ACSS3: variants seen among roughly 807,000 people sequenced by gnomAD.
ACSS3 encodes the protein acyl-CoA synthetase short-chain family member 3, mitochondrial.
Under a neutral mutation model 84.2 loss-of-function variants are expected in ACSS3, and 64 were observed. The ratio of observed to expected loss-of-function variants is 0.76; its 90% confidence interval spans 0.62 to 0.94. ACSS3 has a LOEUF of 0.94. Among genes scored for constraint, ACSS3 ranks in the 40% least tolerant of loss-of-function variants. ACSS3 has a pLI of 0.00. For missense variants in ACSS3, 815 were observed against 867.6 expected (o/e 0.94, Z 0.76); for synonymous variants, 317 against 310.1 (o/e 1.02, Z -0.23).
intron 4 of ACSS3, 86 bp from the exon 5 acceptor site, chr12:81,143,021 T>A (rs1394161182): frequency 1.1e-5 from 14 of 1,265,426 alleles, no homozygotes; most frequent in Non-Finnish European, 1.5e-5. Flanking sequence ...AGTCAGATGC[T>A]CAGACTTAAA....
chr12:81,152,527 T>C (rs966146958), intron 7 of ACSS3, among the ~76,000 whole-genome samples: 3 of 152,204 alleles, frequency 2.0e-5, no homozygotes, highest in African/African-American at 7.2e-5. Flanking sequence ...GCTCTGTGTA[T>C]AAGACATAGG....
chr12:81,227,422 C>T (rs2033307470), intron 11 of ACSS3, among the ~76,000 whole-genome samples: 1 of 151,400 alleles, frequency 6.6e-6, no homozygotes, highest in Non-Finnish European at 1.5e-5. Context: ...CACACACACA[C>T]AAGTGTTGAT....
intron 13 of ACSS3, among the ~76,000 whole-genome samples, chr12:81,248,074 G>T (rs1565743577): frequency 6.6e-6 from 1 of 152,060 alleles, no homozygotes; most frequent in Non-Finnish European, 1.5e-5. Flanking sequence ...TTGCAAGGAT[G>T]TAGAGAAAAG....
Position 81,139,177 on chromosome 12 carries a change from G to T in ACSS3, c.692G>T (p.Arg231Met). The T allele has an allele frequency of 6.2e-7, 1 of 1,613,812 alleles. No homozygotes were observed. The highest frequency in any genetic ancestry group is 1.3e-5 in the African/African-American group (1 of 75,008). The change falls in exon 4 of 16, where the codon AGG becomes ATG. Residue 231 changes from arginine (R) to methionine (M), a missense_variant. Physicochemically the swap from Arg to Met is moderately conservative, Grantham distance 91. Transcript: ENST00000548058. ...TCATTTGGCATTGAACCTGGAAGGA[G>T]GGTAGAGTACGTACCACTTGTAGAA... ...TASFGIEPGRRVEYVPLVEEA... is the reference protein window; with the variant it reads ...TASFGIEPGRMVEYVPLVEEA...
At chr12:81,184,105 A>G (rs1593171599) in intron 8 of ACSS3, among the ~76,000 whole-genome samples, 1 of 152,058 alleles carries the variant, frequency 6.6e-6, no homozygotes. Flanking sequence ...TTAGACCACA[A>G]TGATATGAAA....
intron 8 of ACSS3, among the ~76,000 whole-genome samples, chr12:81,188,745 G>A (rs1053498555): frequency 6.6e-6 from 1 of 152,020 alleles, no homozygotes; most frequent in African/African-American, 2.4e-5. Flanking sequence ...GAGTATTTCA[G>A]TTTATTTACC....
At chr12:81,133,365 C>T (rs924817991) in intron 2 of ACSS3, among the ~76,000 whole-genome samples, 1 of 152,158 alleles carries the variant, frequency 6.6e-6, no homozygotes, top group African/African-American at 2.4e-5. Context: ...AGCCATGGTC[C>T]TTCCAATTGC....
intron 7 of ACSS3, among the ~76,000 whole-genome samples, chr12:81,156,214 C>T (rs879584637): frequency 0.018 from 2,768 of 151,532 alleles, 48 homozygotes; most frequent in Non-Finnish European, 0.025. Context: ...ACACCCCACA[C>T]ACACACACAC....
intron 2 of ACSS3, among the ~76,000 whole-genome samples, chr12:81,111,135 A>AG: frequency 6.6e-6 from 1 of 152,192 alleles, no homozygotes; most frequent in Non-Finnish European, 1.5e-5. Context: ...ACATAAAAAA[A>AG]GACCTTATGA....
In ACSS3 at chr12:81,185,668, T is replaced by C. The variant is rs147387380; in HGVS notation, c.1250+10729T>C. 3.6e-3 allele frequency among the ~76,000 whole-genome samples: 543 copies of C among 151,742 alleles called. 2 individuals carry two copies. The highest frequency in any genetic ancestry group is 0.012 in the African/African-American group (507 of 41,504). The stretch of plus-strand genomic sequence containing the variant: ...AAACTATATTGGTACGGTAAAACTT[T>C]ACATTAAAACTATAAAATATTGATG... On this transcript the variant is annotated intron_variant, in intron 8 of 15. Transcript: ENST00000548058.
chr12:81,213,702 T>TCTCCCCTCCGCTCCCCTCCG lies in ACSS3; in HGVS notation c.1355-3175_1355-3156dup, dbSNP rs1213819253. ...TCCCCACCCACCTCTGCTGCCCTCC[T>TCTCCCCTCCGCTCCCCTCCG]CTCCCCTCCGCTCCCCTCCGCTCCC... On this transcript the variant is annotated intron_variant, in intron 9 of 15. Coordinates refer to ENST00000548058, the MANE Select transcript of ACSS3 (RefSeq NM_024560.4). Among the ~76,000 whole-genome samples the TCTCCCCTCCGCTCCCCTCCG allele has an allele frequency of 6.7e-4, 14 of 20,864 alleles. 1 individual carries two copies. The highest frequency in any genetic ancestry group is 4.2e-3 in the East Asian group (5 of 1,186). The allele number at this position is 20,864 out of a possible 152,430, so 13.7% of individuals were successfully genotyped here. A position where few individuals can be genotyped will look rare whatever the true frequency, so the allele number is the denominator to read the frequency against.
chr12:81,163,621 A>G (rs1182258258), intron 7 of ACSS3, among the ~76,000 whole-genome samples: 2 of 152,352 alleles, frequency 1.3e-5, no homozygotes, highest in East Asian at 1.9e-4. Context: ...TTATTGTCAT[A>G]GGAGATGACA....
chr12:81,201,190 T>TTA (rs1251496343), intron 9 of ACSS3, among the ~76,000 whole-genome samples: 2 of 152,322 alleles, frequency 1.3e-5, no homozygotes, highest in East Asian at 3.9e-4. Flanking sequence ...AGAAAAATGT[T>TTA]TACAGTATTT....
At chr12:81,235,961 TG>T (rs1428862082) in intron 13 of ACSS3, among the ~76,000 whole-genome samples, 50 of 151,570 alleles carry the variant, frequency 3.3e-4, no homozygotes, top group African/African-American at 1.2e-3. Context: ...ATGCTTTTTT[TG>T]GTCTTTTTCT....
intron 9 of ACSS3, among the ~76,000 whole-genome samples, chr12:81,205,597 C>T (rs1174297990): frequency 6.6e-6 from 1 of 152,038 alleles, no homozygotes; most frequent in African/African-American, 2.4e-5. Flanking sequence ...AAACACTTAA[C>T]TAGGATTTGA....
At position 81,243,508 on chromosome 12, in the gene ACSS3, A is replaced by G. The variant is rs1054032865; in HGVS notation, c.1720-9799A>G. Among the ~76,000 whole-genome samples the G allele has an allele frequency of 2.0e-5, 3 of 152,216 alleles. No individual in the cohort carries two copies. In the South Asian group the frequency reaches 6.2e-4, roughly 32 times the overall value. On this transcript the variant is annotated intron_variant, in intron 13 of 15. Transcript: ENST00000548058. ...TTTCTTCACAGAATTGGAAAAAACT[A>G]CTTTAAAGTTCATATGGAACCAAAA... is the stretch of plus-strand genomic sequence containing the variant.
At chr12:81,098,367 A>G (rs545613242) in intron 1 of ACSS3, among the ~76,000 whole-genome samples, 8 of 152,260 alleles carry the variant, frequency 5.3e-5, no homozygotes, top group Non-Finnish European at 1.2e-4. Flanking sequence ...AGTGTTTACT[A>G]TTAGAAGTGT....
chr12:81,126,733 C>T (rs1184619705), intron 2 of ACSS3, among the ~76,000 whole-genome samples: 1 of 152,058 alleles, frequency 6.6e-6, no homozygotes, highest in Non-Finnish European at 1.5e-5. Context: ...TGAGCTTGAA[C>T]TAAAGGGATT....
intron 9 of ACSS3, among the ~76,000 whole-genome samples, chr12:81,212,835 G>T (rs906755431): frequency 6.6e-6 from 1 of 152,134 alleles, no homozygotes; most frequent in Non-Finnish European, 1.5e-5. Flanking sequence ...CATGAAGTTT[G>T]TCCTTTTTTA....
Sources: gnomAD v4.1 joint callset for allele counts (sites outside exome capture counted in the v4.1 genomes callset) on GRCh38, gnomAD v4.1.1 for gene constraint, MANE v1.5 for transcripts, NCBI Gene and HGNC (gene_info 2026-07-23, HGNC 2026-07-21) for gene names.